Variants in CHST9 observed in about 807,000 individuals in gnomAD.
CHST9 encodes the protein carbohydrate sulfotransferase 9.
CHST9 carries 41 observed loss-of-function variants against 44.4 expected under a neutral mutation model. The observed-to-expected ratio is 0.92, with a 90% CI of 0.72 to 1.20. The LOEUF (loss-of-function observed/expected upper bound fraction) is 1.20. Ranked by LOEUF, CHST9 falls within the 50% of genes most tolerant of loss-of-function variation. CHST9 has a pLI of 0.00. For missense variants in CHST9, 504 were observed against 516.5 expected (o/e 0.98, Z 0.23); for synonymous variants, 171 against 178.4 (o/e 0.96, Z 0.33).
At chr18:27,163,134 G>T (rs537528576) in intron 1 of CHST9, among the ~76,000 whole-genome samples, 8 of 152,286 alleles carry the variant, frequency 5.3e-5, no homozygotes, top group Non-Finnish European at 1.0e-4. Flanking sequence ...AGTGGATATT[G>T]GTGAACAGCA....
At chr18:27,036,923 GAGTTGCTAAAC>G (rs1411646746) in intron 3 of CHST9, among the ~76,000 whole-genome samples, 1 of 152,120 alleles carries the variant, frequency 6.6e-6, no homozygotes, top group African/African-American at 2.4e-5. Context: ...AGGAAGTGGG[GAGTTGCTAAAC>G]AGCTGCTATA....
chr18:27,114,587 C>A (rs1198444042), intron 2 of CHST9, among the ~76,000 whole-genome samples: 1 of 152,154 alleles, frequency 6.6e-6, no homozygotes, highest in Admixed American at 6.5e-5. Context: ...TCAATTGTCC[C>A]CAAAAGGAAC....
intron 1 of CHST9, among the ~76,000 whole-genome samples, chr18:27,152,788 A>T (rs2058669034): frequency 6.6e-6 from 1 of 152,046 alleles, no homozygotes; most frequent in African/African-American, 2.4e-5. Context: ...GAGTCCTGGG[A>T]TTTTTCTGCG....
At chr18:26,998,161 C>T (rs1178694131) in intron 4 of CHST9, among the ~76,000 whole-genome samples, 1 of 152,202 alleles carries the variant, frequency 6.6e-6, no homozygotes, top group Non-Finnish European at 1.5e-5. Flanking sequence ...CCACACTCCC[C>T]ACAGTCTGAC....
chr18:27,084,103 T>C lies in CHST9; in HGVS notation c.122-35600A>G, dbSNP rs1411510981. Reference sequence around the variant, plus strand: ...CAGGGATATTGGCCCAAAGTTGCTTTTTTTTTTTTGCTTGTGTCTCTGCCA... The same window carrying C: ...CAGGGATATTGGCCCAAAGTTGCTTCTTTTTTTTTGCTTGTGTCTCTGCCA... On this transcript the variant is annotated intron_variant, in intron 2 of 5. Transcript: ENST00000618847. 1.1e-4 allele frequency among the ~76,000 whole-genome samples: 16 copies of C among 151,862 alleles called. No homozygotes were observed. In the East Asian group the frequency reaches 3.1e-3, roughly 29 times the overall value.
chr18:27,064,369 T>C (rs959542540), intron 2 of CHST9, among the ~76,000 whole-genome samples: 1 of 152,024 alleles, frequency 6.6e-6, no homozygotes, highest in East Asian at 1.9e-4. Context: ...TATCCACCCA[T>C]GCAGACGGCA....
At chr18:27,105,567 A>T (rs1175684289) in intron 2 of CHST9, among the ~76,000 whole-genome samples, 1 of 152,190 alleles carries the variant, frequency 6.6e-6, no homozygotes, top group Non-Finnish European at 1.5e-5. Flanking sequence ...AGAAGTTAAG[A>T]AGAAAAGGAA....
intron 5 of CHST9, among the ~76,000 whole-genome samples, chr18:26,932,555 G>T (rs375407292): frequency 4.6e-5 from 7 of 152,106 alleles, no homozygotes; most frequent in East Asian, 3.9e-4. Flanking sequence ...AGGGGTGAAG[G>T]GGGGCAAGCT....
At chr18:26,995,892 T>C (rs762202023) in intron 4 of CHST9, among the ~76,000 whole-genome samples, 6 of 152,232 alleles carry the variant, frequency 3.9e-5, no homozygotes, top group Non-Finnish European at 8.8e-5. Flanking sequence ...AGGCTGAATT[T>C]TGAAAATAAA....
At chr18:27,160,732 T>C (rs1376239870) in intron 1 of CHST9, among the ~76,000 whole-genome samples, 2 of 152,218 alleles carry the variant, frequency 1.3e-5, no homozygotes, top group African/African-American at 4.8e-5. Context: ...AGTGAATCCA[T>C]CTGATCCTGG....
intron 4 of CHST9, among the ~76,000 whole-genome samples, chr18:27,018,616 A>G (rs2057183074): frequency 6.6e-6 from 1 of 152,182 alleles, no homozygotes; most frequent in South Asian, 2.1e-4. Context: ...TTTTCAGTTG[A>G]GATTGTTAGG....
chr18:27,161,124 G>T (rs1003664434), intron 1 of CHST9, among the ~76,000 whole-genome samples: 2 of 151,408 alleles, frequency 1.3e-5, no homozygotes, highest in African/African-American at 2.4e-5. Flanking sequence ...GTTCTGCTCT[G>T]ATCTTAGTTA....
intron 4 of CHST9, among the ~76,000 whole-genome samples, chr18:26,993,990 C>T (rs1386625509): frequency 1.3e-5 from 2 of 152,182 alleles, no homozygotes; most frequent in East Asian, 3.9e-4. Flanking sequence ...CTCACCTTGT[C>T]TTCACATGGT....
In CHST9 at chr18:27,179,812, T is replaced by C. The variant is rs1409693504; in HGVS notation, c.-97+5324A>G. On this transcript the variant is annotated intron_variant, in intron 1 of 5. Coordinates refer to ENST00000618847, the MANE Select transcript of CHST9 (RefSeq NM_031422.6). ...TTCTAACTCTAGAACTGATAGACTA[T>C]AATGTTGATAGAAATTAAACTTAAG... 3.3e-5 allele frequency among the ~76,000 whole-genome samples: 5 copies of C among 152,122 alleles called. No homozygotes were observed. The East Asian group carries it at 9.6e-4, about 29-fold the overall frequency.
At chr18:27,017,540 T>C (rs2057169425) in intron 4 of CHST9, among the ~76,000 whole-genome samples, 1 of 152,132 alleles carries the variant, frequency 6.6e-6, no homozygotes, top group Non-Finnish European at 1.5e-5. Context: ...AGTCCAAGAA[T>C]AGGCCAAACT....
At chr18:27,086,519 A>G (rs1034180636) in intron 2 of CHST9, among the ~76,000 whole-genome samples, 1 of 152,200 alleles carries the variant, frequency 6.6e-6, no homozygotes, top group Non-Finnish European at 1.5e-5. Flanking sequence ...TCTGACAGTA[A>G]TCAAAAGAGT....
At chr18:27,042,329 C>T (rs764048656) in intron 3 of CHST9, among the ~76,000 whole-genome samples, 8 of 152,066 alleles carry the variant, frequency 5.3e-5, no homozygotes, top group Non-Finnish European at 7.4e-5. Flanking sequence ...TTTGCTATCA[C>T]ACAGACCTAG....
chr18:27,051,985 A>T (rs936888727), intron 2 of CHST9, among the ~76,000 whole-genome samples: 1 of 152,184 alleles, frequency 6.6e-6, no homozygotes, highest in Non-Finnish European at 1.5e-5. Flanking sequence ...AGCTAGCAAG[A>T]AATGGACAAA....
At chr18:27,135,371 T>C (rs1323335383) in intron 2 of CHST9, among the ~76,000 whole-genome samples, 1 of 152,222 alleles carries the variant, frequency 6.6e-6, no homozygotes, top group African/African-American at 2.4e-5. Flanking sequence ...AATTTCACTT[T>C]GTTGGTCTCA....
Sources: allele counts gnomAD v4.1 joint callset (sites outside exome capture counted in the v4.1 genomes callset), GRCh38; gene constraint gnomAD v4.1.1; transcripts MANE v1.5; gene names NCBI Gene and HGNC (gene_info 2026-07-23, HGNC 2026-07-21).